PTPN14: variants seen among roughly 807,000 people sequenced by gnomAD.
PTPN14 encodes the protein tyrosine-protein phosphatase non-receptor type 14.
A neutral mutation model predicts 126.8 loss-of-function variants in PTPN14; 53 were observed. The observed-to-expected ratio is 0.42, with a 90% confidence interval of 0.34 to 0.53. PTPN14 has a LOEUF of 0.53. PTPN14 is among the 20% of genes least tolerant of loss of function. The pLI is 0.08. For synonymous variants in PTPN14, 630 were observed against 599.3 expected (o/e 1.05, Z -0.75); for missense variants, 1,257 against 1,552.9 (o/e 0.81, Z 3.20).
At chr1:214,376,496 C>T (rs923914962) in intron 14 of PTPN14, 59 bp from the exon 15 acceptor site, 1 of 1,393,496 alleles carries the variant, frequency 7.2e-7, no homozygotes, top group African/African-American at 1.4e-5. Flanking sequence ...CTCAATGAAA[C>T]AACCAAATTT....
At chr1:214,360,952 A>AGT (rs1433567318) in intron 18 of PTPN14, among the ~76,000 whole-genome samples, 10 of 152,102 alleles carry the variant, frequency 6.6e-5, no homozygotes, top group Admixed American at 6.6e-4. Context: ...GTTGTTTAAA[A>AGT]GTATGTTGCA....
chr1:214,548,442 C>T (rs1036602593), intron 1 of PTPN14, among the ~76,000 whole-genome samples: 4 of 152,168 alleles, frequency 2.6e-5, no homozygotes, highest in South Asian at 2.1e-4. Context: ...CCAAAGCTTT[C>T]GTGTTTGTTT....
chr1:214,449,132 G>A (rs1260518230), intron 3 of PTPN14, among the ~76,000 whole-genome samples: 3 of 147,036 alleles, frequency 2.0e-5, no homozygotes, highest in South Asian at 4.5e-4. Flanking sequence ...TCAGCCTCCC[G>A]AGTAGCTGGG....
intron 3 of PTPN14, among the ~76,000 whole-genome samples, chr1:214,445,563 A>AC (rs1558105549): frequency 6.6e-6 from 1 of 151,108 alleles, no homozygotes; most frequent in Non-Finnish European, 1.5e-5. Flanking sequence ...AAAAAAAAAA[A>AC]ACCACAAAAT....
chr1:214,458,196 T>G (rs1340906088), intron 2 of PTPN14, among the ~76,000 whole-genome samples: 1 of 152,078 alleles, frequency 6.6e-6, no homozygotes, highest in East Asian at 1.9e-4. Context: ...ACTACAGGCA[T>G]GCATCACCAT....
chr1:214,430,325 C>T (rs1365467747), intron 3 of PTPN14, among the ~76,000 whole-genome samples: 1 of 152,178 alleles, frequency 6.6e-6, no homozygotes, highest in Non-Finnish European at 1.5e-5. Context: ...TGCTGACTCA[C>T]CAAAATCCAA....
chr1:214,463,136 G>A (rs377649246), intron 2 of PTPN14, among the ~76,000 whole-genome samples: 9 of 152,174 alleles, frequency 5.9e-5, no homozygotes, highest in East Asian at 1.9e-4. Flanking sequence ...ACTGTCCCCC[G>A]ATGCATATGA....
chr1:214,472,334 T>C (rs1207377069), intron 1 of PTPN14, among the ~76,000 whole-genome samples: 1 of 152,036 alleles, frequency 6.6e-6, no homozygotes, highest in Non-Finnish European at 1.5e-5. Flanking sequence ...TCTCCTGCCA[T>C]ATGCGATGCC....
intron 15 of PTPN14, among the ~76,000 whole-genome samples, chr1:214,373,042 C>A (rs1043375916): frequency 1.3e-5 from 2 of 152,128 alleles, no homozygotes; most frequent in African/African-American, 4.8e-5. Flanking sequence ...GCCACTCAAG[C>A]CTATTAAATA....
chr1:214,509,828 G>A (rs370072824), intron 1 of PTPN14, among the ~76,000 whole-genome samples: 12 of 152,310 alleles, frequency 7.9e-5, no homozygotes, highest in African/African-American at 1.4e-4. Flanking sequence ...ATGAGTTCAC[G>A]TCCTTTGTAG....
At chr1:214,498,593 T>C (rs1654604836) in intron 1 of PTPN14, among the ~76,000 whole-genome samples, 1 of 152,170 alleles carries the variant, frequency 6.6e-6, no homozygotes, top group South Asian at 2.1e-4. Flanking sequence ...TATCCAAATA[T>C]GCATATATAC....
At chr1:214,547,724 C>T (rs893952571) in intron 1 of PTPN14, among the ~76,000 whole-genome samples, 13 of 152,064 alleles carry the variant, frequency 8.5e-5, no homozygotes, top group African/African-American at 2.4e-4. Context: ...TTATATAAAA[C>T]ACTGGACCAT....
chr1:214,467,149 C>A (rs1660657794), intron 1 of PTPN14, among the ~76,000 whole-genome samples: 1 of 152,088 alleles, frequency 6.6e-6, no homozygotes, highest in African/African-American at 2.4e-5. Context: ...TTGATAGGTA[C>A]AGAAAAGAAT....
intron 3 of PTPN14, among the ~76,000 whole-genome samples, chr1:214,416,826 T>A (rs1215469900): frequency 6.6e-6 from 1 of 152,238 alleles, no homozygotes; most frequent in Non-Finnish European, 1.5e-5. Context: ...AATATTATAA[T>A]TCTATCGAAT....
At position 214,353,969 on chromosome 1, in the gene PTPN14, A is replaced by G. The variant is rs955043131; in HGVS notation, c.*3953T>C. ...GGAAATTTCATATGGGTCAATCTATATTAAGCTGGAAAAATAATCAGCTGG... is the reference window on the plus strand; with the variant it reads ...GGAAATTTCATATGGGTCAATCTATGTTAAGCTGGAAAAATAATCAGCTGG... On this transcript the variant is annotated 3_prime_UTR_variant, in exon 19 of 19. Coordinates refer to ENST00000366956, the MANE Select transcript of PTPN14 (RefSeq NM_005401.5). The G allele has an allele frequency of 6.6e-6, 1 of 152,256 alleles. No individual in the cohort carries two copies. Among genetic ancestry groups the G allele is most frequent in the Non-Finnish European group, 1.5e-5 (1 of 68,042 alleles). The allele number at this position is 152,256 out of a possible 1,614,324, so 9.4% of individuals were successfully genotyped here. A position where few individuals can be genotyped will look rare whatever the true frequency, so the allele number is the denominator to read the frequency against.
chr1:214,468,629 T>A (rs1047773323), intron 1 of PTPN14, among the ~76,000 whole-genome samples: 2 of 152,020 alleles, frequency 1.3e-5, no homozygotes, highest in African/African-American at 4.8e-5. Context: ...AAATTCAAAG[T>A]TAAAATAAAT....
intron 1 of PTPN14, among the ~76,000 whole-genome samples, chr1:214,526,122 C>CGCCCA (rs1223524509): frequency 1.3e-5 from 2 of 152,074 alleles, no homozygotes; most frequent in East Asian, 3.9e-4. Flanking sequence ...CACACCACCA[C>CGCCCA]GCCCAGCTAA....
At chr1:214,388,097 A>G (rs561346413) in intron 11 of PTPN14, among the ~76,000 whole-genome samples, 1 of 152,224 alleles carries the variant, frequency 6.6e-6, no homozygotes, top group South Asian at 2.1e-4. Flanking sequence ...GTTTTCAGAG[A>G]AAAAAACAAA....
intron 5 of PTPN14, among the ~76,000 whole-genome samples, chr1:214,408,025 G>A (rs1659211581): frequency 6.6e-6 from 1 of 152,116 alleles, no homozygotes; most frequent in African/African-American, 2.4e-5. Flanking sequence ...ATCATTCCTT[G>A]CTCCCTATCT....
Sources: gnomAD v4.1 joint callset for allele counts (sites outside exome capture counted in the v4.1 genomes callset) on GRCh38, gnomAD v4.1.1 for gene constraint, MANE v1.5 for transcripts, NCBI Gene and HGNC (gene_info 2026-07-23, HGNC 2026-07-21) for gene names.